SEMA6D: variants seen among roughly 807,000 people sequenced by gnomAD.
SEMA6D encodes the protein semaphorin-6D.
Under a neutral mutation model 106.6 loss-of-function variants are expected in SEMA6D, and 35 were observed. The observed-to-expected ratio is 0.33, with a 90% CI of 0.25 to 0.44. SEMA6D has a LOEUF of 0.44. Among genes scored for constraint, SEMA6D ranks in the 20% least tolerant of loss-of-function variants. SEMA6D has a pLI of 1.00. For synonymous variants in SEMA6D, 499 were observed against 487.7 expected, an observed-to-expected ratio of 1.02 and a Z score of -0.31; for missense variants, 1,185 against 1,345.9, an observed-to-expected ratio of 0.88 and a Z score of 1.87.
rs765037343 is a variant in SEMA6D, at chr15:47,766,171, C to G, written c.1635C>G (p.Thr545=). 1.2e-6 allele frequency: 2 copies of G among 1,612,790 alleles called. No individual in the cohort carries two copies. Among genetic ancestry groups the G allele is most frequent in the Non-Finnish European group, 8.5e-7 (1 of 1,179,270 alleles). Residue 545 remains threonine (T), a synonymous_variant, in exon 15 of 19, where the codon ACC becomes ACG. Transcript: ENST00000536845. The part of the protein sequence containing the change: ...WLSQGSCGRV[T]PGMLAEGYEQ... The stretch of plus-strand genomic sequence containing the variant: ...GCCAGGGATCCTGTGGTAGAGTGAC[C>G]CCAGGGATGCTGTAAGTATACTTTG...
At position 47,529,654 on chromosome 15, in the gene SEMA6D, C is replaced by G. The variant is rs148552148; in HGVS notation, c.-87+59109C>G. Among the ~76,000 whole-genome samples the G allele has an allele frequency of 2.2e-3, 317 of 143,668 alleles. 1 individual carries two copies. Among genetic ancestry groups the G allele is most frequent in the African/African-American group, 7.7e-3 (301 of 39,126 alleles). The allele number at this position is 143,668 out of a possible 152,430, so 94.3% of individuals were successfully genotyped here. Reference sequence around the variant, plus strand: ...CTTCACTTTGAGGCACACTTTTTTACTTTTCTTAATTTATTTTCTCAATAT... The same window carrying G: ...CTTCACTTTGAGGCACACTTTTTTAGTTTTCTTAATTTATTTTCTCAATAT... On this transcript the variant is annotated intron_variant, in intron 3 of 19. Coordinates refer to the SEMA6D transcript ENST00000558014.
At chr15:47,363,479 G>A (rs1441885575) in intron 1 of SEMA6D, among the ~76,000 whole-genome samples, 1 of 152,132 alleles carries the variant, frequency 6.6e-6, no homozygotes, top group Non-Finnish European at 1.5e-5. Flanking sequence ...GAGTTAAACC[G>A]GGCATGGGAC....
chr15:47,677,203 G>T (rs2145512156), intron 4 of SEMA6D, among the ~76,000 whole-genome samples: 1 of 152,264 alleles, frequency 6.6e-6, no homozygotes, highest in East Asian at 1.9e-4. Context: ...GACCCCTGTT[G>T]TAAAGGTTGA....
chr15:47,547,280 C>T (rs1027863447), intron 3 of SEMA6D, among the ~76,000 whole-genome samples: 8 of 152,074 alleles, frequency 5.3e-5, no homozygotes, highest in Admixed American at 2.0e-4. Flanking sequence ...CACATAAGCA[C>T]CTGATATTTT....
Position 47,764,691 on chromosome 15 carries a change from A to T in SEMA6D, c.1151A>T (p.Asp384Val), listed in dbSNP as rs774139134. ...GCCGAAGCTTATAAAACCTCCATCG[A>T]TTTCCCGGATGAAACTCTGTCATTC... ...GLAEAYKTSI[D>V]FPDETLSFIK... The change falls in exon 12 of 19, where the codon GAT (aspartate) becomes GTT (valine). Residue 384 changes from aspartate (D) to valine (V), a missense_variant. By Grantham distance (152) the Asp-to-Val change is radical. This residue lies in a region of SEMA6D where 291 missense variants were observed against 423.8 expected (regional missense o/e 0.69). Coordinates refer to ENST00000536845, the MANE Select transcript of SEMA6D (RefSeq NM_001358351.3). The T allele has an allele frequency of 1.9e-6, 3 of 1,613,940 alleles. No homozygotes were observed. The South Asian group carries it at 3.3e-5, about 18-fold the overall frequency.
chr15:47,313,365 A>G (rs2036519105), intron 1 of SEMA6D, among the ~76,000 whole-genome samples: 1 of 152,160 alleles, frequency 6.6e-6, no homozygotes, highest in Non-Finnish European at 1.5e-5. Context: ...AGTAAGAATC[A>G]TACGGTATGT....
intron 4 of SEMA6D, among the ~76,000 whole-genome samples, chr15:47,680,265 A>G (rs749798427): frequency 3.9e-5 from 6 of 152,064 alleles, no homozygotes; most frequent in Non-Finnish European, 7.3e-5. Flanking sequence ...GTTTTTTATA[A>G]TTCAGAGGCC....
chr15:47,391,463 T>C (rs1272692558), intron 1 of SEMA6D, among the ~76,000 whole-genome samples: 1 of 152,146 alleles, frequency 6.6e-6, no homozygotes, highest in Non-Finnish European at 1.5e-5. Flanking sequence ...TTCCTATTAC[T>C]GCTTAAAAGA....
intron 3 of SEMA6D, among the ~76,000 whole-genome samples, chr15:47,492,650 A>G (rs1379256469): frequency 6.6e-6 from 1 of 152,180 alleles, no homozygotes; most frequent in African/African-American, 2.4e-5. Context: ...AATTCTTAAA[A>G]TTGTACTTAG....
At chr15:47,357,649 C>G (rs1180128004) in intron 1 of SEMA6D, among the ~76,000 whole-genome samples, 1 of 152,156 alleles carries the variant, frequency 6.6e-6, no homozygotes, top group African/African-American at 2.4e-5. Context: ...TGCTTACATT[C>G]TAGCCGTGCT....
chr15:47,317,331 C>T (rs943316830), intron 1 of SEMA6D, among the ~76,000 whole-genome samples: 1 of 152,046 alleles, frequency 6.6e-6, no homozygotes, highest in Admixed American at 6.5e-5. Context: ...TGGCTGGAAG[C>T]TTGTCTTTTT....
intron 1 of SEMA6D, among the ~76,000 whole-genome samples, chr15:47,411,312 G>A (rs187092615): frequency 6.6e-6 from 1 of 151,872 alleles, no homozygotes; most frequent in African/African-American, 2.4e-5. Context: ...AGCCAGGATG[G>A]TCTCGATCTC....
intron 1 of SEMA6D, among the ~76,000 whole-genome samples, chr15:47,383,931 C>T (rs2145674834): frequency 6.6e-6 from 1 of 152,332 alleles, no homozygotes; most frequent in South Asian, 2.1e-4. Flanking sequence ...CAAGCTCCTG[C>T]TTCCACAAAG....
intron 4 of SEMA6D, among the ~76,000 whole-genome samples, chr15:47,698,967 C>A (rs1566996347): frequency 6.6e-6 from 1 of 152,112 alleles, no homozygotes; most frequent in Non-Finnish European, 1.5e-5. Context: ...ATTCAATAAA[C>A]TTAAATTTAA....
At chr15:47,369,676 G>A (rs1448828267) in intron 1 of SEMA6D, among the ~76,000 whole-genome samples, 1 of 152,204 alleles carries the variant, frequency 6.6e-6, no homozygotes, top group East Asian at 1.9e-4. Flanking sequence ...TTAGAATTGT[G>A]TTGGATTACC....
chr15:47,577,985 T>C (rs536988664), intron 3 of SEMA6D, among the ~76,000 whole-genome samples: 2 of 152,382 alleles, frequency 1.3e-5, no homozygotes, highest in South Asian at 4.1e-4. Context: ...GCTTAATTTG[T>C]GGAGACCTTT....
chr15:47,757,918 T>C (rs2081848827), intron 1 of SEMA6D, among the ~76,000 whole-genome samples: 1 of 152,152 alleles, frequency 6.6e-6, no homozygotes, highest in Non-Finnish European at 1.5e-5. Context: ...GGTGCTATTA[T>C]CCATATTTTA....
At chr15:47,524,456 G>GA (rs2044688041) in intron 3 of SEMA6D, among the ~76,000 whole-genome samples, 1 of 151,950 alleles carries the variant, frequency 6.6e-6, no homozygotes, top group Non-Finnish European at 1.5e-5. Flanking sequence ...TCAGGGAAAA[G>GA]AAAAAACACA....
upstream of SEMA6D, among the ~76,000 whole-genome samples, chr15:47,713,411 A>G (rs910501107): frequency 6.6e-6 from 1 of 152,234 alleles, no homozygotes; most frequent in Non-Finnish European, 1.5e-5. Context: ...AAAGTGAAAT[A>G]TCTTGGCAGA....
Sources: gnomAD v4.1 joint callset for allele counts (sites outside exome capture counted in the v4.1 genomes callset) on GRCh38, gnomAD v4.1.1 for gene constraint, gnomAD v4.1.1 regional missense constraint, MANE v1.5 for transcripts, NCBI Gene and HGNC (gene_info 2026-07-23, HGNC 2026-07-21) for gene names.